The following TBC1D5 variants were observed in gnomAD, a reference collection of about 807,000 sequenced individuals.
The protein encoded by TBC1D5 is TBC1 domain family, member 5.
In TBC1D5, 75 loss-of-function variants were observed where a neutral mutation model predicts 100.3. That is an observed-to-expected ratio of 0.75 (90% CI 0.62 to 0.91). The LOEUF (loss-of-function observed/expected upper bound fraction) is 0.91. TBC1D5 is among the 40% of genes least tolerant of loss of function. TBC1D5 has a pLI of 0.00. For missense variants in TBC1D5, 910 were observed against 942.4 expected (o/e 0.97, Z 0.45); for synonymous variants, 323 against 325.6 (o/e 0.99, Z 0.09).
intron 3 of TBC1D5, among the ~76,000 whole-genome samples, chr3:17,444,101 T>C (rs1050709313): frequency 1.3e-5 from 2 of 152,122 alleles, no homozygotes; most frequent in Non-Finnish European, 2.9e-5. Context: ...TATAACAGAA[T>C]GTAAAAACTA....
At chr3:17,556,760 T>C (rs1222142679) in intron 2 of TBC1D5, among the ~76,000 whole-genome samples, 2 of 152,236 alleles carry the variant, frequency 1.3e-5, no homozygotes, top group Non-Finnish European at 2.9e-5. Context: ...AAATGATTGT[T>C]ATACACTACA....
At chr3:17,470,537 T>C (rs2095360620) in intron 3 of TBC1D5, among the ~76,000 whole-genome samples, 1 of 152,220 alleles carries the variant, frequency 6.6e-6, no homozygotes, top group Non-Finnish European at 1.5e-5. Context: ...TAAAGAGCTT[T>C]AGAATAATGG....
intron 2 of TBC1D5, among the ~76,000 whole-genome samples, chr3:17,552,238 G>C (rs2096480988): frequency 6.6e-6 from 1 of 151,844 alleles, no homozygotes; most frequent in Non-Finnish European, 1.5e-5. Context: ...AAAGAAGTAA[G>C]CTTTATAAAG....
chr3:17,601,781 G>T (rs2060962941), intron 2 of TBC1D5, among the ~76,000 whole-genome samples: 1 of 152,172 alleles, frequency 6.6e-6, no homozygotes, highest in Admixed American at 6.5e-5. Context: ...TGTAGGCATT[G>T]TTAAGTAAAC....
chr3:17,355,707 G>A (rs1392344396), intron 13 of TBC1D5, among the ~76,000 whole-genome samples: 2 of 149,314 alleles, frequency 1.3e-5, no homozygotes, highest in East Asian at 2.0e-4. Context: ...CCATGGTAGC[G>A]TTTTTTTTTG....
intron 1 of TBC1D5, among the ~76,000 whole-genome samples, chr3:17,654,015 G>A (rs1293922812): frequency 6.6e-6 from 1 of 152,074 alleles, no homozygotes; most frequent in African/African-American, 2.4e-5. Context: ...TTTGGGGTGA[G>A]AGAGTAGATT....
At chr3:17,483,228 T>C (rs1376747281) in intron 3 of TBC1D5, among the ~76,000 whole-genome samples, 2 of 152,114 alleles carry the variant, frequency 1.3e-5, no homozygotes, top group African/African-American at 4.8e-5. Context: ...ATAAACCATA[T>C]AAGAACTGCA....
chr3:17,595,985 G>C (rs371095943), intron 2 of TBC1D5, among the ~76,000 whole-genome samples: 1 of 152,206 alleles, frequency 6.6e-6, no homozygotes. Context: ...AGGAGTGCCA[G>C]CTGAGGAAAG....
chr3:17,362,344 T>C lies in TBC1D5; in HGVS notation c.995+9731A>G, dbSNP rs189932756. Among the ~76,000 whole-genome samples, 138 of 152,300 alleles carry C rather than the reference T, an allele frequency of 9.1e-4. 2 individuals carry two copies. The East Asian group carries it at 0.012, about 13-fold the overall frequency. ...GAGAAATGAAATGACAAGTTTCAGA[T>C]TGGGGGACAATTTGCAAATGCAAAT... On this transcript the variant is annotated intron_variant, in intron 13 of 21. Transcript: ENST00000253692.
chr3:17,530,668 G>A (rs1283187806), intron 2 of TBC1D5, among the ~76,000 whole-genome samples: 1 of 152,106 alleles, frequency 6.6e-6, no homozygotes, highest in Non-Finnish European at 1.5e-5. Flanking sequence ...GGGATGCAAG[G>A]CTGGTTCAAC....
At chr3:17,327,897 T>C (rs2086358409) in intron 13 of TBC1D5, among the ~76,000 whole-genome samples, 1 of 152,144 alleles carries the variant, frequency 6.6e-6, no homozygotes, top group African/African-American at 2.4e-5. Context: ...TATATATGTG[T>C]TGAATAATTG....
chr3:17,418,376 G>A (rs1256578404), intron 4 of TBC1D5, among the ~76,000 whole-genome samples: 2 of 152,106 alleles, frequency 1.3e-5, no homozygotes, highest in Non-Finnish European at 2.9e-5. Context: ...GGGAGGCTGA[G>A]GTGGGTGGAT....
intron 1 of TBC1D5, among the ~76,000 whole-genome samples, chr3:17,701,862 T>TC (rs2073267461): frequency 6.6e-6 from 1 of 151,632 alleles, no homozygotes; most frequent in Non-Finnish European, 1.5e-5. Flanking sequence ...TTTTTTTTTT[T>TC]CCTAACTAAG....
At chr3:17,663,336 A>C (rs2066863568) in intron 1 of TBC1D5, among the ~76,000 whole-genome samples, 1 of 151,986 alleles carries the variant, frequency 6.6e-6, no homozygotes, top group Non-Finnish European at 1.5e-5. Context: ...CTAGTTTAAA[A>C]AAAAATCAAA....
At chr3:17,707,434 C>T (rs1005582535) in intron 1 of TBC1D5, among the ~76,000 whole-genome samples, 1 of 152,086 alleles carries the variant, frequency 6.6e-6, no homozygotes, top group Non-Finnish European at 1.5e-5. Context: ...TTCCTAGAAT[C>T]ACTTAGATCC....
chr3:17,692,959 G>A (rs1400550197), intron 1 of TBC1D5, among the ~76,000 whole-genome samples: 1 of 152,220 alleles, frequency 6.6e-6, no homozygotes, highest in Non-Finnish European at 1.5e-5. Context: ...GCAAGAACCT[G>A]CCTCTACAAA....
intron 2 of TBC1D5, among the ~76,000 whole-genome samples, chr3:17,553,328 A>G (rs1407404699): frequency 6.6e-6 from 1 of 152,226 alleles, no homozygotes; most frequent in African/African-American, 2.4e-5. Flanking sequence ...TACACTGGCA[A>G]AAATCCAAAA....
In TBC1D5 at chr3:17,238,291, C is replaced by T. The variant is rs767250399; in HGVS notation, c.1460G>A (p.Ser487Asn). 2.8e-5 allele frequency: 45 copies of T among 1,613,908 alleles called. No homozygotes were observed. Among genetic ancestry groups the T allele is most frequent in the Non-Finnish European group, 3.6e-5 (43 of 1,179,962 alleles). Residue 487 changes from serine (S) to asparagine (N), a missense_variant, in exon 17 of 22, where the codon AGC (serine) becomes AAC (asparagine). By Grantham distance (46) the Ser-to-Asn change is conservative (BLOSUM62 1). Coordinates refer to ENST00000253692, the Ensembl canonical transcript of TBC1D5. ...AATTACAACAGAGGAGGAGCTACTG[C>T]TGTTGCCTCCAGGTACAGGGCCACC...
chr3:17,250,012 T>C (rs1403674442), intron 16 of TBC1D5, among the ~76,000 whole-genome samples: 3 of 152,174 alleles, frequency 2.0e-5, no homozygotes, highest in African/African-American at 4.8e-5. Flanking sequence ...GCACATGCTA[T>C]TGAAAAAACA....
Sources: gnomAD v4.1 joint callset for allele counts (sites outside exome capture counted in the v4.1 genomes callset) on GRCh38, gnomAD v4.1.1 for gene constraint, MANE v1.5 for transcripts, NCBI Gene and HGNC (gene_info 2026-07-23, HGNC 2026-07-21) for gene names.